The following PLPP1 variants were observed in gnomAD, a reference collection of about 807,000 sequenced individuals.
PLPP1 encodes phospholipid phosphatase 1.
A neutral mutation model predicts 31.2 loss-of-function variants in PLPP1; 24 were observed. The ratio of observed to expected loss-of-function variants is 0.77; its 90% CI spans 0.56 to 1.08. The LOEUF (loss-of-function observed/expected upper bound fraction) is 1.08, where lower values mean the gene tolerates loss of function less well. PLPP1 is among the 50% of genes least tolerant of loss of function. The pLI is 0.00. For missense variants in PLPP1, 319 were observed against 342.7 expected (o/e 0.93, Z 0.55); for synonymous variants, 146 against 126.3 (o/e 1.16, Z -1.05).
At chr5:55,477,525 C>G (rs892654052) in intron 1 of PLPP1, among the ~76,000 whole-genome samples, 1 of 151,232 alleles carries the variant, frequency 6.6e-6, no homozygotes, top group African/African-American at 2.4e-5. Context: ...TCCCAAGTAG[C>G]CAGGACTACA....
At chr5:55,434,309 C>T (rs563261414) in intron 4 of PLPP1, among the ~76,000 whole-genome samples, 33 of 151,998 alleles carry the variant, frequency 2.2e-4, no homozygotes, top group South Asian at 1.0e-3. Context: ...AGATATCCCA[C>T]GCATAAGGAT....
chr5:55,505,527 T>C (rs1753255249), intron 1 of PLPP1, among the ~76,000 whole-genome samples: 1 of 151,928 alleles, frequency 6.6e-6, no homozygotes, highest in Non-Finnish European at 1.5e-5. Context: ...ATTTGCCTGA[T>C]ATTTGCCCAC....
At chr5:55,485,705 T>C (rs1752762123) in intron 1 of PLPP1, among the ~76,000 whole-genome samples, 1 of 151,996 alleles carries the variant, frequency 6.6e-6, no homozygotes, top group African/African-American at 2.4e-5. Flanking sequence ...AGAGACCAAA[T>C]GAAAATATCT....
intron 3 of PLPP1, among the ~76,000 whole-genome samples, chr5:55,466,661 C>A (rs1752302775): frequency 6.6e-6 from 1 of 151,806 alleles, no homozygotes; most frequent in Non-Finnish European, 1.5e-5. Flanking sequence ...CAAGATCATG[C>A]CACTGCACTC....
At chr5:55,508,337 T>C (rs1056474746) in intron 1 of PLPP1, among the ~76,000 whole-genome samples, 49 of 152,220 alleles carry the variant, frequency 3.2e-4, no homozygotes, top group African/African-American at 1.2e-3. Flanking sequence ...TAAGACACTG[T>C]GGGCACCTCT....
intron 3 of PLPP1, among the ~76,000 whole-genome samples, chr5:55,453,849 G>A (rs915051782): frequency 6.6e-5 from 10 of 152,142 alleles, no homozygotes; most frequent in African/African-American, 2.4e-4. Context: ...GCTGAGGCAG[G>A]AGAATCGCTT....
chr5:55,475,723 C>T (rs1454067658), intron 1 of PLPP1, among the ~76,000 whole-genome samples: 1 of 152,216 alleles, frequency 6.6e-6, no homozygotes, highest in Non-Finnish European at 1.5e-5. Flanking sequence ...TCTGTCCAAA[C>T]ACACTAAATG....
intron 1 of PLPP1, among the ~76,000 whole-genome samples, chr5:55,502,148 A>T (rs1222219534): frequency 6.6e-6 from 1 of 152,200 alleles, no homozygotes; most frequent in Non-Finnish European, 1.5e-5. Flanking sequence ...AAGAAAATAC[A>T]TAATTTTATC....
At chr5:55,482,840 T>G (rs1752699052) in intron 1 of PLPP1, among the ~76,000 whole-genome samples, 1 of 152,242 alleles carries the variant, frequency 6.6e-6, no homozygotes, top group African/African-American at 2.4e-5. Flanking sequence ...ACTAGCAATT[T>G]CTTATTACCA....
chr5:55,474,470 A>G (rs1302827118), intron 2 of PLPP1, among the ~76,000 whole-genome samples: 1 of 152,226 alleles, frequency 6.6e-6, no homozygotes, highest in African/African-American at 2.4e-5. Context: ...CAATAGTCTT[A>G]TCCCTAGACA....
chr5:55,449,114 G>A (rs1227213843), intron 3 of PLPP1, among the ~76,000 whole-genome samples: 3 of 152,150 alleles, frequency 2.0e-5, no homozygotes, highest in Non-Finnish European at 4.4e-5. Context: ...TAACTAAAAT[G>A]AATAGCTCTA....
At chr5:55,490,848 C>T in intron 1 of PLPP1, 2 of 1,179,196 alleles carry the variant, frequency 1.7e-6, no homozygotes, top group Admixed American at 2.9e-5. Context: ...AATCATTCAC[C>T]ATATCAACAC....
chr5:55,460,842 T>C (rs944595584), intron 3 of PLPP1, among the ~76,000 whole-genome samples: 2 of 152,028 alleles, frequency 1.3e-5, no homozygotes, highest in Non-Finnish European at 2.9e-5. Flanking sequence ...CAAGACTCCA[T>C]CTCTAATTAA....
intron 3 of PLPP1, among the ~76,000 whole-genome samples, chr5:55,451,285 G>A (rs1045194919): frequency 3.3e-5 from 5 of 152,320 alleles, no homozygotes; most frequent in Admixed American, 1.3e-4. Flanking sequence ...TTAGGCAGGC[G>A]TGATAGTAAA....
intron 1 of PLPP1, among the ~76,000 whole-genome samples, chr5:55,477,669 A>G (rs1030037732): frequency 3.3e-5 from 5 of 152,226 alleles, no homozygotes; most frequent in African/African-American, 1.2e-4. Flanking sequence ...TTGAGATTAC[A>G]GGCATGAGCC....
At chr5:55,429,554 CAG>C (rs942053128) in intron 4 of PLPP1, among the ~76,000 whole-genome samples, 16 of 152,238 alleles carry the variant, frequency 1.1e-4, no homozygotes, top group African/African-American at 3.9e-4. Context: ...CCCACACAAA[CAG>C]GGAACTTGGG....
rs1330898273 is a variant in PLPP1, at chr5:55,425,793, T to TG, written c.726+69_726+70insC. 5 of 1,381,448 alleles carry TG rather than the reference T, an allele frequency of 3.6e-6. No individual in the cohort carries two copies. The African/African-American group carries it at 4.4e-5, about 12-fold the overall frequency. 85.6% of individuals were successfully genotyped at this position (1,381,448 alleles called of 1,614,324 possible). A position where few individuals can be genotyped will look rare whatever the true frequency, so the allele number is the denominator to read the frequency against. On this transcript the variant is annotated intron_variant, in intron 5 of 5. Transcript: ENST00000307259. ...CTCCTCAGCTGGGGATTTTTTGGAT[T>TG]TTTTTTTTCTATTTACTTATATAAA...
At chr5:55,462,094 A>G (rs995951084) in intron 3 of PLPP1, among the ~76,000 whole-genome samples, 1 of 152,214 alleles carries the variant, frequency 6.6e-6, no homozygotes, top group African/African-American at 2.4e-5. Context: ...GGAAGACCCA[A>G]TACTAACATG....
chr5:55,460,389 A>G (rs982284323), intron 3 of PLPP1, among the ~76,000 whole-genome samples: 1 of 152,228 alleles, frequency 6.6e-6, no homozygotes, highest in South Asian at 2.1e-4. Context: ...AAACCCTTGA[A>G]ACTAACCAAA....
Sources: gnomAD v4.1 joint callset for allele counts (sites outside exome capture counted in the v4.1 genomes callset) on GRCh38, gnomAD v4.1.1 for gene constraint, MANE v1.5 for transcripts, NCBI Gene and HGNC (gene_info 2026-07-23, HGNC 2026-07-21) for gene names.